The following KALRN variants were observed in gnomAD, a reference collection of about 807,000 sequenced individuals.
The protein encoded by KALRN is kalirin RhoGEF kinase.
A neutral mutation model predicts 353.7 loss-of-function variants in KALRN; 70 were observed. The ratio of observed to expected loss-of-function variants is 0.20; its 90% CI spans 0.16 to 0.24. The LOEUF (loss-of-function observed/expected upper bound fraction) is 0.24. Ranked by LOEUF, KALRN falls within the 10% of genes least tolerant of loss-of-function variation. The pLI is 1.00. For synonymous variants in KALRN, 1,391 were observed against 1,434.8 expected (o/e 0.97, Z 0.69); for missense variants, 2,791 against 3,756.7 (o/e 0.74, Z 6.72).
At chr3:124,183,061 A>C (rs535090116) in intron 1 of KALRN, among the ~76,000 whole-genome samples, 141 of 152,284 alleles carry the variant, frequency 9.3e-4, no homozygotes, top group African/African-American at 3.2e-3. Context: ...TGACTGTAGA[A>C]ATAAGGCTTT....
intron 9 of KALRN, among the ~76,000 whole-genome samples, chr3:124,335,358 A>G (rs1476528566): frequency 1.3e-5 from 2 of 152,076 alleles, no homozygotes; most frequent in Non-Finnish European, 2.9e-5. Context: ...GACTTTATGT[A>G]GTTTCTTTTT....
intron 1 of KALRN, among the ~76,000 whole-genome samples, chr3:124,185,058 C>G (rs1253646979): frequency 3.3e-5 from 5 of 152,132 alleles, no homozygotes; most frequent in Admixed American, 3.3e-4. Flanking sequence ...TCCTGTTGCC[C>G]AAGCTGGAGT....
intron 34 of KALRN, among the ~76,000 whole-genome samples, chr3:124,579,767 T>C (rs563503500): frequency 6.6e-6 from 1 of 152,268 alleles, no homozygotes; most frequent in Admixed American, 6.5e-5. Context: ...AACTTAGAAA[T>C]CTTGTTGAAA....
chr3:124,210,699 T>A (rs1262555203), intron 1 of KALRN, among the ~76,000 whole-genome samples: 1 of 152,158 alleles, frequency 6.6e-6, no homozygotes, highest in Non-Finnish European at 1.5e-5. Flanking sequence ...CCATCAGCAA[T>A]GTTATTGGCA....
chr3:124,594,664 C>G (rs1305084022), intron 34 of KALRN, among the ~76,000 whole-genome samples: 1 of 152,204 alleles, frequency 6.6e-6, no homozygotes, highest in Non-Finnish European at 1.5e-5. Flanking sequence ...AGAAATAGAT[C>G]TTTCCAGGAT....
chr3:124,541,748 C>T (rs1330452101), intron 33 of KALRN, among the ~76,000 whole-genome samples: 3 of 150,002 alleles, frequency 2.0e-5, no homozygotes, highest in Admixed American at 6.6e-5. Flanking sequence ...AAAAATTAGC[C>T]GGGCATGGTG....
chr3:124,331,648 C>T (rs1261153512), intron 8 of KALRN, among the ~76,000 whole-genome samples: 1 of 152,084 alleles, frequency 6.6e-6, no homozygotes, highest in East Asian at 1.9e-4. Flanking sequence ...TAGAACTGTG[C>T]CTCTGCCCAT....
chr3:124,354,848 A>T (rs1306431100), intron 10 of KALRN, among the ~76,000 whole-genome samples: 1 of 152,246 alleles, frequency 6.6e-6, no homozygotes, highest in African/African-American at 2.4e-5. Flanking sequence ...GATGCTTCAC[A>T]TCTATATGAA....
At chr3:124,155,234 T>C (rs2068807372) in intron 1 of KALRN, among the ~76,000 whole-genome samples, 1 of 152,062 alleles carries the variant, frequency 6.6e-6, no homozygotes, top group African/African-American at 2.4e-5. Flanking sequence ...AAAGGAACCT[T>C]CTTCTTCTTC....
intron 5 of KALRN, among the ~76,000 whole-genome samples, chr3:124,289,186 G>A (rs1176292714): frequency 1.3e-5 from 2 of 152,036 alleles, no homozygotes; most frequent in Non-Finnish European, 2.9e-5. Flanking sequence ...CATGGGGGGG[G>A]TCCCACTTTG....
chr3:124,441,950 C>T lies in KALRN; in HGVS notation c.3204C>T (p.Cys1068=). The T allele has an allele frequency of 6.3e-7, 1 of 1,584,966 alleles. No homozygotes were observed. The highest frequency in any genetic ancestry group is 8.6e-7 in the Non-Finnish European group (1 of 1,160,244). ...CACAGCTTTGTCTTTCGCAGGCCTGCACCCTGGCTCGGCGGAATGCTGAGG... is the reference window on the plus strand; with the variant it reads ...CACAGCTTTGTCTTTCGCAGGCCTGTACCCTGGCTCGGCGGAATGCTGAGG... ...LEQKEAFLKA[C]TLARRNAEVF... The change falls in exon 19 of 60, where the codon TGC becomes TGT. Residue 1068 remains cysteine (C), a synonymous_variant. Transcript: ENST00000682506.
chr3:124,074,214 A>G (rs1210562183), intron 1 of KALRN, among the ~76,000 whole-genome samples: 5 of 152,150 alleles, frequency 3.3e-5, no homozygotes, highest in African/African-American at 1.2e-4. Context: ...AATAGAAGGA[A>G]TGGGTAAATC....
At chr3:124,643,629 G>C (rs1320477239) in intron 37 of KALRN, among the ~76,000 whole-genome samples, 1 of 152,150 alleles carries the variant, frequency 6.6e-6, no homozygotes, top group Admixed American at 6.5e-5. Context: ...CTATGGGCAT[G>C]TGTCGCCATG....
chr3:124,680,579 C>T (rs2087678306), intron 51 of KALRN, among the ~76,000 whole-genome samples: 1 of 152,186 alleles, frequency 6.6e-6, no homozygotes, highest in South Asian at 2.1e-4. Context: ...ATTAGATAGA[C>T]TTTTATTCTT....
At chr3:124,459,615 A>T (rs2059658258) in intron 23 of KALRN, among the ~76,000 whole-genome samples, 1 of 152,186 alleles carries the variant, frequency 6.6e-6, no homozygotes, top group Non-Finnish European at 1.5e-5. Flanking sequence ...GTAAACAATG[A>T]ACCGTACCAA....
rs1017454938 is a variant in KALRN at position 124,518,628 on chromosome 3, C to T, written c.4935+22215C>T. The T allele has an allele frequency of 1.3e-5, 19 of 1,491,256 alleles. No individual in the cohort carries two copies. In the East Asian group the frequency reaches 1.5e-4, roughly 12 times the overall value. 92.4% of individuals were successfully genotyped at this position (1,491,256 alleles called of 1,614,324 possible). A position where few individuals can be genotyped will look rare whatever the true frequency, so the allele number is the denominator to read the frequency against. On this transcript the variant is annotated intron_variant, in intron 33 of 59. Transcript: ENST00000682506. The stretch of plus-strand genomic sequence containing the variant: ...CAACATGTTCCAAGCAAAATCTCCC[C>T]GCCTGGGCCATGGGCTCACCCTCGG...
In KALRN at chr3:124,424,381, A is replaced by G. The variant is rs539529259; in HGVS notation, c.2709+1403A>G. On this transcript the variant is annotated intron_variant, in intron 15 of 59. Transcript: ENST00000682506. ...CTGATTTAGTATGAGAGCCAAAAAC[A>G]TCTTATTTTGTTTAATTGATGCTTG... Among the ~76,000 whole-genome samples the G allele has an allele frequency of 2.6e-5, 4 of 152,200 alleles. No homozygotes were observed. The South Asian group carries it at 8.3e-4, about 32-fold the overall frequency.
At chr3:124,659,523 C>A in intron 43 of KALRN, 66 bp downstream of exon 43, 5 of 1,095,554 alleles carry the variant, frequency 4.6e-6, no homozygotes, top group South Asian at 2.5e-5. Flanking sequence ...AGGTTCTGAG[C>A]TAGGGGTAGA....
intron 58 of KALRN, among the ~76,000 whole-genome samples, chr3:124,715,259 T>C (rs2063083583): frequency 6.6e-6 from 1 of 152,302 alleles, no homozygotes; most frequent in South Asian, 2.1e-4. Flanking sequence ...TGGATCTCAT[T>C]ATCCTGTTAT....
Sources: allele counts gnomAD v4.1 joint callset (sites outside exome capture counted in the v4.1 genomes callset), GRCh38; gene constraint gnomAD v4.1.1; transcripts MANE v1.5; gene names NCBI Gene and HGNC (gene_info 2026-07-23, HGNC 2026-07-21).